Variants in PXDNL observed in about 807,000 individuals in gnomAD.
The protein encoded by PXDNL is probable oxidoreductase PXDNL.
Under a neutral mutation model 150.8 loss-of-function variants are expected in PXDNL, and 145 were observed. The observed-to-expected ratio is 0.96, with a 90% CI of 0.84 to 1.10. PXDNL has a LOEUF of 1.10. Ranked by LOEUF, PXDNL falls within the 50% of genes least tolerant of loss-of-function variation. PXDNL has a pLI of 0.00. For missense variants in PXDNL, 2,087 were observed against 1,873.9 expected (o/e 1.11, Z -2.10); for synonymous variants, 757 against 725.7 (o/e 1.04, Z -0.69).
At chr8:51,591,476 C>T (rs887180573) in intron 3 of PXDNL, among the ~76,000 whole-genome samples, 10 of 142,036 alleles carry the variant, frequency 7.0e-5, no homozygotes, top group African/African-American at 2.0e-4. Flanking sequence ...TCAGTGGTTT[C>T]GGGAGATACT....
intron 2 of PXDNL, among the ~76,000 whole-genome samples, chr8:51,601,801 T>C (rs1342416955): frequency 6.6e-6 from 1 of 151,870 alleles, no homozygotes; most frequent in Non-Finnish European, 1.5e-5. Flanking sequence ...TTGTGGGTTT[T>C]TTTTTTAATG....
chr8:51,406,847 C>T (rs76724279), intron 17 of PXDNL, among the ~76,000 whole-genome samples: 19,072 of 152,190 alleles, frequency 0.13, 1,453 homozygotes, highest in East Asian at 0.3. Context: ...GGCTCCCACG[C>T]CTACCACAGG....
At chr8:51,554,826 G>C (rs1812568242) in intron 4 of PXDNL, among the ~76,000 whole-genome samples, 1 of 152,098 alleles carries the variant, frequency 6.6e-6, no homozygotes, top group Non-Finnish European at 1.5e-5. Flanking sequence ...AGCTACTTAA[G>C]CAACCTCTAA....
intron 17 of PXDNL, among the ~76,000 whole-genome samples, chr8:51,383,685 C>T (rs565034706): frequency 6.6e-6 from 1 of 152,184 alleles, no homozygotes; most frequent in African/African-American, 2.4e-5. Context: ...TAAGAGTAAA[C>T]AGTCTAGCTA....
chr8:51,419,280 T>G (rs991038134), intron 14 of PXDNL, among the ~76,000 whole-genome samples: 4 of 152,234 alleles, frequency 2.6e-5, no homozygotes, highest in African/African-American at 9.6e-5. Flanking sequence ...TAATAAATTC[T>G]GGGTCACCTT....
At chr8:51,399,657 T>C (rs896528540) in intron 17 of PXDNL, among the ~76,000 whole-genome samples, 2 of 152,202 alleles carry the variant, frequency 1.3e-5, no homozygotes, top group African/African-American at 2.4e-5. Context: ...GGGTAATGAT[T>C]ACAGAGGTAT....
intron 5 of PXDNL, among the ~76,000 whole-genome samples, chr8:51,495,737 T>G (rs929385525): frequency 1.2e-4 from 18 of 152,088 alleles, no homozygotes; most frequent in African/African-American, 4.3e-4. Flanking sequence ...CAGGAAGAAG[T>G]TGAATCTCTG....
intron 1 of PXDNL, among the ~76,000 whole-genome samples, chr8:51,722,796 C>G (rs1417654354): frequency 6.6e-6 from 1 of 152,092 alleles, no homozygotes; most frequent in Non-Finnish European, 1.5e-5. Context: ...TATATGAGTA[C>G]AGGATGGGGA....
At chr8:51,678,659 T>C (rs1272491877) in intron 1 of PXDNL, among the ~76,000 whole-genome samples, 4 of 150,792 alleles carry the variant, frequency 2.7e-5, no homozygotes, top group Admixed American at 1.3e-4. Context: ...TAGGTGGGAA[T>C]TGAACAATGA....
At chr8:51,745,133 A>AT (rs1347422680) in intron 1 of PXDNL, among the ~76,000 whole-genome samples, 2 of 152,070 alleles carry the variant, frequency 1.3e-5, no homozygotes, top group African/African-American at 4.8e-5. Flanking sequence ...AAACCCACTT[A>AT]TTTGTTATTT....
chr8:51,644,452 G>GTTGTTT (rs1210986479), intron 2 of PXDNL, among the ~76,000 whole-genome samples: 1 of 100,438 alleles, frequency 1.0e-5, no homozygotes, highest in African/African-American at 3.6e-5. Context: ...ATATATATGG[G>GTTGTTT]TTGTTTTTGT....
At chr8:51,787,934 A>G (rs1323770297) in intron 1 of PXDNL, among the ~76,000 whole-genome samples, 1 of 152,258 alleles carries the variant, frequency 6.6e-6, no homozygotes, top group Non-Finnish European at 1.5e-5. Context: ...CATCCTGATC[A>G]GTCAGCAGCC....
Position 51,556,835 on chromosome 8 carries a change from CT to C in PXDNL, c.380+4del. The C allele has an allele frequency of 6.6e-7, 1 of 1,524,900 alleles. No individual in the cohort carries two copies. The highest frequency in any genetic ancestry group is 9.1e-7 in the Non-Finnish European group (1 of 1,100,466). 94.5% of individuals were successfully genotyped at this position (1,524,900 alleles called of 1,614,324 possible). A position where few individuals can be genotyped will look rare whatever the true frequency, so the allele number is the denominator to read the frequency against. On this transcript the variant is annotated splice_donor_region_variant and intron_variant, in intron 4 of 22. Coordinates refer to ENST00000356297, the MANE Select transcript of PXDNL (RefSeq NM_144651.5). ...TGATTTAATAAAAAAGTTTCTATTA[CT>C]TACAGATGTTCCAAAGATATGAGTC...
chr8:51,499,694 C>G lies in PXDNL; in HGVS notation c.452+5G>C, dbSNP rs766522038. 3.7e-6 allele frequency: 6 copies of G among 1,606,918 alleles called. No individual in the cohort carries two copies. The highest frequency in any genetic ancestry group is 5.1e-6 in the Non-Finnish European group (6 of 1,173,642). On this transcript the variant is annotated splice_donor_5th_base_variant and intron_variant, in intron 5 of 22. Transcript: ENST00000356297. ...GCAAAGGACATCTAAAGGGTCAACA[C>G]TTACAGTCGCTCTAATCTCAGAAGG...
chr8:51,323,967 G>A (rs2130611513), intron 21 of PXDNL, among the ~76,000 whole-genome samples: 1 of 151,660 alleles, frequency 6.6e-6, no homozygotes, highest in Middle Eastern at 3.4e-3. Flanking sequence ...AAAGAATCTT[G>A]TACGGGTCAT....
At chr8:51,519,527 C>G (rs1364399836) in intron 4 of PXDNL, among the ~76,000 whole-genome samples, 1 of 150,532 alleles carries the variant, frequency 6.6e-6, no homozygotes, top group Non-Finnish European at 1.5e-5. Flanking sequence ...AGTGAGACAC[C>G]ATCTTAAAAA....
chr8:51,347,581 A>G (rs1489413375), intron 19 of PXDNL, among the ~76,000 whole-genome samples: 2 of 152,240 alleles, frequency 1.3e-5, no homozygotes, highest in African/African-American at 4.8e-5. Flanking sequence ...AACACAGTTC[A>G]CTGAAGAAAA....
chr8:51,674,152 C>G (rs1815558115), intron 1 of PXDNL, among the ~76,000 whole-genome samples: 1 of 152,098 alleles, frequency 6.6e-6, no homozygotes, highest in Non-Finnish European at 1.5e-5. Flanking sequence ...GTACTAGGAA[C>G]AGGATTTAAG....
chr8:51,436,155 C>T, intron 12 of PXDNL: 1 of 516,780 alleles, frequency 1.9e-6, no homozygotes, highest in Non-Finnish European at 3.9e-6. Flanking sequence ...TAAAAGAACT[C>T]TTAATTCAGA....
Sources: allele counts gnomAD v4.1 joint callset (sites outside exome capture counted in the v4.1 genomes callset), GRCh38; gene constraint gnomAD v4.1.1; transcripts MANE v1.5; gene names NCBI Gene and HGNC (gene_info 2026-07-23, HGNC 2026-07-21).